TENM4: variants seen among roughly 807,000 people sequenced by gnomAD.
TENM4 encodes the protein teneurin-4.
A neutral mutation model predicts 243.3 loss-of-function variants in TENM4; 82 were observed. The ratio of observed to expected loss-of-function variants is 0.34; its 90% CI spans 0.28 to 0.40. The LOEUF (loss-of-function observed/expected upper bound fraction) is 0.40. Ranked by LOEUF, TENM4 falls within the 10% of genes least tolerant of loss-of-function variation. TENM4 has a pLI of 1.00. For synonymous variants in TENM4, 1,412 were observed against 1,456.3 expected, an observed-to-expected ratio of 0.97 and a Z score of 0.69; for missense variants, 3,138 against 3,673.3, an observed-to-expected ratio of 0.85 and a Z score of 3.77.
intron 6 of TENM4, 34 bp downstream of exon 6, chr11:79,064,704 C>A (rs767721225): frequency 6.4e-7 from 1 of 1,550,454 alleles, no homozygotes; most frequent in South Asian, 1.2e-5. Flanking sequence ...CCCCACCACC[C>A]AGGCACCCGG....
At chr11:79,005,854 T>G (rs1440188419) in intron 6 of TENM4, among the ~76,000 whole-genome samples, 7 of 152,212 alleles carry the variant, frequency 4.6e-5, no homozygotes, top group African/African-American at 1.7e-4. Flanking sequence ...CTCCACAGTT[T>G]CTACCCAAAA....
At chr11:79,183,408 G>A (rs1159958159) in intron 3 of TENM4, among the ~76,000 whole-genome samples, 1 of 152,270 alleles carries the variant, frequency 6.6e-6, no homozygotes, top group Non-Finnish European at 1.5e-5. Flanking sequence ...GAGGAAGGAT[G>A]AATAGGCAGA....
At chr11:79,108,967 G>T (rs764313572) in intron 4 of TENM4, among the ~76,000 whole-genome samples, 15 of 151,754 alleles carry the variant, frequency 9.9e-5, no homozygotes, top group Non-Finnish European at 1.9e-4. Flanking sequence ...AACACCCACC[G>T]CTTGAAATTT....
chr11:79,184,105 C>G (rs958432024), intron 3 of TENM4, among the ~76,000 whole-genome samples: 1 of 152,152 alleles, frequency 6.6e-6, no homozygotes, highest in Non-Finnish European at 1.5e-5. Flanking sequence ...AATCAATCCT[C>G]GAGTCCATGG....
At chr11:79,000,947 C>T (rs894047458) in intron 6 of TENM4, among the ~76,000 whole-genome samples, 15 of 152,360 alleles carry the variant, frequency 9.8e-5, no homozygotes, top group Admixed American at 2.0e-4. Flanking sequence ...AGGAGAATCA[C>T]TTGAACCCAG....
chr11:79,140,654 C>T (rs927192780), intron 4 of TENM4, among the ~76,000 whole-genome samples: 2 of 152,128 alleles, frequency 1.3e-5, no homozygotes, highest in African/African-American at 4.8e-5. Flanking sequence ...CAGAAGAAGT[C>T]TGCTTAATGG....
At chr11:79,164,077 A>T (rs1192843403) in intron 3 of TENM4, among the ~76,000 whole-genome samples, 1 of 29,708 alleles carries the variant, frequency 3.4e-5, no homozygotes, top group East Asian at 9.4e-4. Context: ...GTATATATAC[A>T]CTATATATAC....
chr11:78,658,340 G>A lies in TENM4; in HGVS notation c.8028C>T (p.Asn2676=). 1.2e-6 allele frequency: 2 copies of A among 1,613,748 alleles called. No homozygotes were observed. Among genetic ancestry groups the A allele is most frequent in the Non-Finnish European group, 1.7e-6 (2 of 1,179,746 alleles). Residue 2676 remains asparagine (N), a synonymous_variant, in exon 34 of 34, where the codon AAC becomes AAT. Coordinates refer to ENST00000278550, the MANE Select transcript of TENM4 (RefSeq NM_001098816.3). The part of the protein sequence containing the change: ...IQLQYGALCL[N]TRYGTTLDEE... ...CATCCAACGTTGTCCCGTAGCGTGT[G>A]TTCAAGCACAGTGCCCCGTACTGGA...
chr11:78,774,023 C>T (rs1304339904), intron 17 of TENM4, among the ~76,000 whole-genome samples: 1 of 152,206 alleles, frequency 6.6e-6, no homozygotes, highest in African/African-American at 2.4e-5. Context: ...CAGTTCAAAT[C>T]CTAGCACCAT....
chr11:78,676,084 A>G, intron 30 of TENM4, 68 bp downstream of exon 30: 1 of 1,365,248 alleles, frequency 7.3e-7, no homozygotes, highest in Non-Finnish European at 9.7e-7. Context: ...TTTCAAGAAC[A>G]GAGCCCCGTT....
intron 6 of TENM4, among the ~76,000 whole-genome samples, chr11:79,051,129 G>A (rs959552609): frequency 3.9e-5 from 6 of 152,246 alleles, no homozygotes; most frequent in Non-Finnish European, 8.8e-5. Context: ...AAAACACTTT[G>A]TAAATCACGA....
At position 79,367,096 on chromosome 11, in the gene TENM4, T is replaced by C. The variant is rs1360735729; in HGVS notation, c.-320-69553A>G. Among the ~76,000 whole-genome samples the C allele has an allele frequency of 2.6e-5, 4 of 152,240 alleles. No homozygotes were observed. In the East Asian group the frequency reaches 7.7e-4, roughly 29 times the overall value. On this transcript the variant is annotated intron_variant, in intron 1 of 33. Transcript: ENST00000278550. ...ACCAGGATTCACATCCTCATTCTTA[T>C]ACAAATTGGCTGGATCACTTTCAAC...
At chr11:78,768,565 C>T (rs1232919101) in intron 18 of TENM4, among the ~76,000 whole-genome samples, 1 of 152,166 alleles carries the variant, frequency 6.6e-6, no homozygotes, top group Admixed American at 6.5e-5. Flanking sequence ...AGCCCCAGTA[C>T]CCTGGACAGG....
chr11:79,352,214 G>C (rs761557678), intron 1 of TENM4, among the ~76,000 whole-genome samples: 4 of 152,168 alleles, frequency 2.6e-5, no homozygotes, highest in Non-Finnish European at 5.9e-5. Flanking sequence ...GAATGAATTA[G>C]AAGGCTGGAA....
intron 1 of TENM4, among the ~76,000 whole-genome samples, chr11:79,365,237 T>G (rs965342400): frequency 6.6e-6 from 1 of 152,210 alleles, no homozygotes; most frequent in Non-Finnish European, 1.5e-5. Context: ...TAAGTGTCCC[T>G]TTGTTGTGAC....
At position 79,020,357 on chromosome 11, in the gene TENM4, A is replaced by G. The variant is rs144457321; in HGVS notation, c.493+44381T>C. The stretch of plus-strand genomic sequence containing the variant: ...CTCATGTCGCTAATTCTGTTTTAAT[A>G]TTAACTATCTCATTTGGCAATTCTA... On this transcript the variant is annotated intron_variant, in intron 6 of 33. Coordinates refer to ENST00000278550, the MANE Select transcript of TENM4 (RefSeq NM_001098816.3). Among the ~76,000 whole-genome samples the G allele has an allele frequency of 6.9e-3, 1,046 of 152,346 alleles. 8 individuals carry two copies. The highest frequency in any genetic ancestry group is 0.012 in the Non-Finnish European group (844 of 68,038).
Position 78,863,142 on chromosome 11 carries a change from G to A in TENM4, c.1085-10C>T. 2 of 1,481,266 alleles carry A rather than the reference G, an allele frequency of 1.4e-6. No individual in the cohort carries two copies. The highest frequency in any genetic ancestry group is 2.1e-5 in the Admixed American group (1 of 46,520). The allele number at this position is 1,481,266 out of a possible 1,614,324, so 91.8% of individuals were successfully genotyped here. A position where few individuals can be genotyped will look rare whatever the true frequency, so the allele number is the denominator to read the frequency against. The stretch of plus-strand genomic sequence containing the variant: ...CCAAACAGGTGCATGGCTGTGGTGA[G>A]CAATGAGAAAAGTCATCTTTTTCTG... On this transcript the variant is annotated splice_polypyrimidine_tract_variant and intron_variant, in intron 9 of 33. Transcript: ENST00000278550.
At chr11:79,168,595 G>T (rs1166193935) in intron 3 of TENM4, among the ~76,000 whole-genome samples, 1 of 152,162 alleles carries the variant, frequency 6.6e-6, no homozygotes, top group Non-Finnish European at 1.5e-5. Flanking sequence ...TTGGTAGCTG[G>T]TTGATACAGC....
chr11:79,423,023 T>C (rs1565340373), intron 1 of TENM4, among the ~76,000 whole-genome samples: 1 of 152,194 alleles, frequency 6.6e-6, no homozygotes, highest in Non-Finnish European at 1.5e-5. Context: ...CTTCCAAGGA[T>C]GCCGGACCCA....
Sources: gnomAD v4.1 joint callset for allele counts (sites outside exome capture counted in the v4.1 genomes callset) on GRCh38, gnomAD v4.1.1 for gene constraint, MANE v1.5 for transcripts, NCBI Gene and HGNC (gene_info 2026-07-23, HGNC 2026-07-21) for gene names.